The following AKAP6 variants were observed in gnomAD, a reference collection of about 807,000 sequenced individuals.
AKAP6 encodes the protein A-kinase anchor protein 6.
AKAP6 carries 58 observed loss-of-function variants against 188.5 expected under a neutral mutation model. That is an observed-to-expected ratio of 0.31 (90% CI 0.25 to 0.38). The LOEUF is 0.38. Among genes scored for constraint, AKAP6 ranks in the 10% least tolerant of loss-of-function variants. AKAP6 has a pLI of 1.00. For missense variants in AKAP6, 2,710 were observed against 2,740.0 expected, an observed-to-expected ratio of 0.99 and a Z score of 0.24; for synonymous variants, 989 against 998.6, an observed-to-expected ratio of 0.99 and a Z score of 0.18.
At chr14:32,527,376 GGTTGCTTCCAAGTTGTGGCAA>G (rs1882186489) in intron 2 of AKAP6, among the ~76,000 whole-genome samples, 7 of 40,054 alleles carry the variant, frequency 1.7e-4, no homozygotes, top group Non-Finnish European at 2.3e-4. Flanking sequence ...GGCAATCCTT[GGTTGCTTCCAAGTTGTGGCAA>G]TTATGAATAA....
At chr14:32,781,186 C>T (rs1420731544) in intron 12 of AKAP6, among the ~76,000 whole-genome samples, 1 of 151,560 alleles carries the variant, frequency 6.6e-6, no homozygotes, top group Non-Finnish European at 1.5e-5. Context: ...AATTGATAAA[C>T]CTCTAGCTAG....
intron 3 of AKAP6, among the ~76,000 whole-genome samples, chr14:32,544,646 T>C (rs561402732): frequency 6.6e-6 from 1 of 152,214 alleles, no homozygotes; most frequent in East Asian, 1.9e-4. Context: ...TTCAAAAGGG[T>C]GGGGCCAAAC....
intron 4 of AKAP6, among the ~76,000 whole-genome samples, chr14:32,565,407 A>G (rs1378970038): frequency 6.6e-6 from 1 of 152,194 alleles, no homozygotes; most frequent in East Asian, 1.9e-4. Flanking sequence ...CCCAGATTCT[A>G]ACATCTTTCT....
At chr14:32,374,363 G>C (rs1477124737) in intron 1 of AKAP6, among the ~76,000 whole-genome samples, 2 of 152,228 alleles carry the variant, frequency 1.3e-5, no homozygotes, top group East Asian at 3.8e-4. Flanking sequence ...AGGAGATGCT[G>C]CTGCTGTTAA....
chr14:32,718,240 GCTTGCC>G, intron 9 of AKAP6: 1 of 966,226 alleles, frequency 1.0e-6, no homozygotes, highest in Non-Finnish European at 1.2e-6. Flanking sequence ...TTCCCCATGG[GCTTGCC>G]ATAGGAGAAC....
chr14:32,686,976 G>A (rs1889953459), intron 8 of AKAP6, among the ~76,000 whole-genome samples: 2 of 152,086 alleles, frequency 1.3e-5, no homozygotes, highest in Non-Finnish European at 2.9e-5. Flanking sequence ...CATCACGCAA[G>A]GCTTTAGTAT....
chr14:32,552,589 G>A (rs956532340), intron 4 of AKAP6, among the ~76,000 whole-genome samples: 4 of 150,058 alleles, frequency 2.7e-5, no homozygotes, highest in Admixed American at 1.3e-4. Flanking sequence ...AAGACCTTAG[G>A]AAAAAAACAG....
intron 1 of AKAP6, among the ~76,000 whole-genome samples, chr14:32,360,676 A>T (rs1172246080): frequency 6.6e-6 from 1 of 150,684 alleles, no homozygotes; most frequent in Non-Finnish European, 1.5e-5. Context: ...TTTATTATTT[A>T]ATACATTGCC....
chr14:32,336,514 G>A (rs1410560916), intron 1 of AKAP6, among the ~76,000 whole-genome samples: 1 of 152,028 alleles, frequency 6.6e-6, no homozygotes, highest in Non-Finnish European at 1.5e-5. Context: ...ATGACTATAG[G>A]CACACACACA....
chr14:32,537,403 G>T (rs1882732015), intron 3 of AKAP6, among the ~76,000 whole-genome samples: 1 of 152,228 alleles, frequency 6.6e-6, no homozygotes, highest in African/African-American at 2.4e-5. Flanking sequence ...GGTTATGGGA[G>T]ACTACAAAGA....
At chr14:32,777,163 A>G (rs1485586714) in intron 12 of AKAP6, among the ~76,000 whole-genome samples, 2 of 152,172 alleles carry the variant, frequency 1.3e-5, no homozygotes, top group Non-Finnish European at 2.9e-5. Flanking sequence ...TAAAAGCAAG[A>G]CCTGAAAGGA....
intron 2 of AKAP6, among the ~76,000 whole-genome samples, chr14:32,458,780 T>C (rs1891225095): frequency 6.6e-6 from 1 of 151,942 alleles, no homozygotes; most frequent in East Asian, 1.9e-4. Context: ...AGAAATATGA[T>C]AATTGAAGAG....
At chr14:32,516,059 A>G (rs1443582238) in intron 2 of AKAP6, among the ~76,000 whole-genome samples, 1 of 152,242 alleles carries the variant, frequency 6.6e-6, no homozygotes, top group Non-Finnish European at 1.5e-5. Context: ...CAGTAGTTAC[A>G]TTGGAAAGAA....
intron 2 of AKAP6, among the ~76,000 whole-genome samples, chr14:32,503,258 A>G (rs12590403): frequency 0.3 from 45,968 of 151,604 alleles, 7,136 homozygotes; most frequent in African/African-American, 0.38. Flanking sequence ...TCCTTTCCCT[A>G]TTTTTCAGTT....
intron 12 of AKAP6, among the ~76,000 whole-genome samples, chr14:32,799,743 G>A (rs980060966): frequency 6.6e-6 from 1 of 151,944 alleles, no homozygotes; most frequent in Admixed American, 6.6e-5. Context: ...GTATGTCTTG[G>A]TGAATGTTCA....
intron 5 of AKAP6, among the ~76,000 whole-genome samples, chr14:32,596,848 G>A (rs1885725447): frequency 6.6e-6 from 1 of 152,162 alleles, no homozygotes; most frequent in African/African-American, 2.4e-5. Context: ...GGGACAAAAT[G>A]GCGAGAGCTT....
At chr14:32,757,601 G>A (rs1301272344) in intron 11 of AKAP6, among the ~76,000 whole-genome samples, 1 of 152,226 alleles carries the variant, frequency 6.6e-6, no homozygotes, top group Non-Finnish European at 1.5e-5. Context: ...GGGAGTATAA[G>A]TAGAGATATT....
chr14:32,811,578 G>A, intron 12 of AKAP6, among the ~76,000 whole-genome samples: 1 of 152,162 alleles, frequency 6.6e-6, no homozygotes, highest in East Asian at 1.9e-4. Flanking sequence ...CTGAAGTGAA[G>A]GCAGTCTTGT....
At chr14:32,582,385 C>T (rs1885018035) in intron 5 of AKAP6, among the ~76,000 whole-genome samples, 1 of 151,816 alleles carries the variant, frequency 6.6e-6, no homozygotes. Flanking sequence ...GATGGGCTTC[C>T]CTTTGTGGGT....
Sources: gnomAD v4.1 joint callset for allele counts (sites outside exome capture counted in the v4.1 genomes callset) on GRCh38, gnomAD v4.1.1 for gene constraint, MANE v1.5 for transcripts, NCBI Gene and HGNC (gene_info 2026-07-23, HGNC 2026-07-21) for gene names.